Variants in PAMR1 observed in about 807,000 individuals in gnomAD.
PAMR1 encodes the protein inactive serine protease PAMR1.
In PAMR1, 88 loss-of-function variants were observed where a neutral mutation model predicts 81.8. The ratio of observed to expected loss-of-function variants is 1.08; its 90% CI spans 0.91 to 1.28. The LOEUF (loss-of-function observed/expected upper bound fraction) is 1.28, where lower values mean the gene tolerates loss of function less well. PAMR1 is among the 50% of genes most tolerant of loss of function. The probability of loss-of-function intolerance (pLI) is 0.00; values close to 1 mark genes in which losing one functional copy is unlikely to be tolerated. For missense variants in PAMR1, 935 were observed against 919.7 expected, an observed-to-expected ratio of 1.02 and a Z score of -0.21; for synonymous variants, 336 against 345.3, an observed-to-expected ratio of 0.97 and a Z score of 0.30.
At chr11:35,491,832 A>T (rs1850631116) in intron 3 of PAMR1, among the ~76,000 whole-genome samples, 1 of 152,222 alleles carries the variant, frequency 6.6e-6, no homozygotes, top group South Asian at 2.1e-4. Flanking sequence ...AAGAGTAGAC[A>T]TAAACCTCCT....
At chr11:35,509,339 A>AT (rs1004006660) in intron 1 of PAMR1, among the ~76,000 whole-genome samples, 6 of 152,064 alleles carry the variant, frequency 3.9e-5, no homozygotes, top group African/African-American at 7.2e-5. Context: ...TGTTGCTTGC[A>AT]TTTTTTTTCC....
chr11:35,495,743 T>C (rs1850716432), intron 1 of PAMR1, among the ~76,000 whole-genome samples: 1 of 152,178 alleles, frequency 6.6e-6, no homozygotes. Flanking sequence ...AATTAGGAAG[T>C]GTGACACAGG....
At chr11:35,497,659 T>C (rs757728352) in intron 1 of PAMR1, among the ~76,000 whole-genome samples, 18 of 152,196 alleles carry the variant, frequency 1.2e-4, no homozygotes, top group Non-Finnish European at 2.1e-4. Flanking sequence ...ATTTATATCT[T>C]CCTATAGGTA....
At chr11:35,461,220 C>T (rs899406259) in intron 6 of PAMR1, among the ~76,000 whole-genome samples, 1 of 152,202 alleles carries the variant, frequency 6.6e-6, no homozygotes, top group African/African-American at 2.4e-5. Flanking sequence ...CCAAAAGGCC[C>T]TTGGCAAGAA....
intron 8 of PAMR1, among the ~76,000 whole-genome samples, chr11:35,437,129 C>G (rs1369066781): frequency 6.6e-6 from 1 of 152,116 alleles, no homozygotes; most frequent in African/African-American, 2.4e-5. Context: ...GAAGTTGGAG[C>G]CCTCAGAGAC....
chr11:35,471,323 G>T (rs978182517), intron 4 of PAMR1, among the ~76,000 whole-genome samples: 2 of 152,170 alleles, frequency 1.3e-5, no homozygotes, highest in Non-Finnish European at 2.9e-5. Context: ...CAAGTAACTT[G>T]AAGGCAGAGA....
At chr11:35,525,886 G>C (rs1851378770), upstream of PAMR1, 1 of 476,832 alleles carries the variant, frequency 2.1e-6, no homozygotes, top group East Asian at 3.8e-5. Flanking sequence ...GGCCAGCCTG[G>C]GTACAGGTGG....
chr11:35,509,419 A>T (rs1008724528), intron 1 of PAMR1, among the ~76,000 whole-genome samples: 2 of 152,320 alleles, frequency 1.3e-5, no homozygotes, highest in African/African-American at 4.8e-5. Flanking sequence ...AATTTCAGGG[A>T]ATTTCAATGT....
intron 6 of PAMR1, among the ~76,000 whole-genome samples, chr11:35,450,129 C>CAAAAA (rs60887441): frequency 0.013 from 561 of 43,062 alleles, 93 homozygotes; most frequent in African/African-American, 0.015. Flanking sequence ...TGCCTCCAGG[C>CAAAAA]AAAAAAAAAA....
chr11:35,435,888 T>A lies in PAMR1; in HGVS notation c.1333+15A>T. On this transcript the variant is annotated intron_variant, in intron 9 of 10. Coordinates refer to ENST00000619888, the MANE Select transcript of PAMR1 (RefSeq NM_001001991.3). ...GATTGAGCATGCTCAAGCCCAAGAA[T>A]GAGCCTTGACTCACTAGGGATGCAG... The A allele has an allele frequency of 6.3e-7, 1 of 1,583,568 alleles. No individual in the cohort carries two copies. The highest frequency in any genetic ancestry group is 8.7e-7 in the Non-Finnish European group (1 of 1,152,366).
chr11:35,502,227 T>G (rs1850860934), intron 1 of PAMR1, among the ~76,000 whole-genome samples: 1 of 152,128 alleles, frequency 6.6e-6, no homozygotes, highest in Non-Finnish European at 1.5e-5. Flanking sequence ...TATTCAGATC[T>G]TTTGCCCATT....
intron 6 of PAMR1, among the ~76,000 whole-genome samples, chr11:35,455,266 C>T (rs1856504694): frequency 6.6e-6 from 1 of 152,162 alleles, no homozygotes. Context: ...AAAAGTGGTT[C>T]CTCAGTACAC....
At chr11:35,523,890 A>T (rs759089489) in intron 1 of PAMR1, among the ~76,000 whole-genome samples, 2 of 152,254 alleles carry the variant, frequency 1.3e-5, no homozygotes, top group Non-Finnish European at 2.9e-5. Flanking sequence ...TTCTCGGGTC[A>T]GAAATAAATG....
intron 1 of PAMR1, among the ~76,000 whole-genome samples, chr11:35,500,032 G>A (rs1218654961): frequency 6.6e-6 from 1 of 152,234 alleles, no homozygotes; most frequent in African/African-American, 2.4e-5. Context: ...CAAGGAGGCA[G>A]GCAGGCAACC....
upstream of PAMR1, among the ~76,000 whole-genome samples, chr11:35,528,156 G>A (rs886340874): frequency 6.6e-6 from 1 of 152,118 alleles, no homozygotes; most frequent in Admixed American, 6.5e-5. Flanking sequence ...TTTGGCATAA[G>A]GATTATTTTG....
intron 6 of PAMR1, 121 bp downstream of exon 6, chr11:35,467,880 T>C (rs544246970): frequency 2.9e-5 from 17 of 585,096 alleles, no homozygotes; most frequent in African/African-American, 5.6e-5. Context: ...GTATCCACAC[T>C]GTGCACCATC....
intron 6 of PAMR1, among the ~76,000 whole-genome samples, chr11:35,467,747 T>C (rs921746700): frequency 2.0e-5 from 3 of 152,156 alleles, no homozygotes; most frequent in African/African-American, 7.2e-5. Flanking sequence ...CTAGAGGCCA[T>C]TGTATCTTTC....
rs1433957199 is a variant in PAMR1, at chr11:35,507,039, C to CCTTTTTTTTTTTTTTTTTTTTTTT, written c.74-12768_74-12767insAAAAAAAAAAAAAAAAAAAAAAAG. ...TCTCCTCTATTTTCAAATAGCCTGA[C>CCTTTTTTTTTTTTTTTTTTTTTTT]TTTTTTTTTTTTTTTTTTTTTTTTT... On this transcript the variant is annotated intron_variant, in intron 1 of 10. Transcript: ENST00000619888. Among the ~76,000 whole-genome samples the CCTTTTTTTTTTTTTTTTTTTTTTT allele has an allele frequency of 2.3e-5, 2 of 86,862 alleles. 1 individual carries two copies. 57.0% of individuals were successfully genotyped at this position (86,862 alleles called of 152,430 possible).
In PAMR1 at chr11:35,434,722, G is replaced by A. The variant is rs758959191; in HGVS notation, c.1416C>T (p.Thr472=). The A allele has an allele frequency of 1.9e-6, 3 of 1,614,046 alleles. No individual in the cohort carries two copies. The highest frequency in any genetic ancestry group is 2.2e-5 in the South Asian group (2 of 91,088). The change falls in exon 10 of 11, where the codon ACC becomes ACT. Residue 472 remains threonine, a synonymous_variant. Coordinates refer to ENST00000619888, the MANE Select transcript of PAMR1 (RefSeq NM_001001991.3). ...GTAGGCTGCCGTCATGCACCCCGCT[G>A]GTCCTCCTGTAGATGGCTGCCTGCC... The part of the protein sequence containing the change: ...WPWQAAIYRR[T]SGVHDGSLHK...
Sources: allele counts gnomAD v4.1 joint callset (sites outside exome capture counted in the v4.1 genomes callset), GRCh38; gene constraint gnomAD v4.1.1; transcripts MANE v1.5; gene names NCBI Gene and HGNC (gene_info 2026-07-23, HGNC 2026-07-21).